Variants in ZBTB20 observed in about 807,000 individuals in gnomAD.
The protein encoded by ZBTB20 is zinc finger and BTB domain containing 20.
In ZBTB20, 9 loss-of-function variants were observed where a neutral mutation model predicts 56.9. The ratio of observed to expected loss-of-function variants is 0.16; its 90% CI spans 0.10 to 0.28. The LOEUF (loss-of-function observed/expected upper bound fraction) is 0.28. Among genes scored for constraint, ZBTB20 ranks in the 10% least tolerant of loss-of-function variants. ZBTB20 has a pLI of 1.00. For synonymous variants in ZBTB20, 417 were observed against 420.7 expected (o/e 0.99, Z 0.11); for missense variants, 655 against 1,003.0 (o/e 0.65, Z 4.69).
intron 8 of ZBTB20, among the ~76,000 whole-genome samples, chr3:114,385,489 G>C (rs779343583): frequency 9.9e-5 from 15 of 152,216 alleles, no homozygotes; most frequent in Non-Finnish European, 2.1e-4. Flanking sequence ...GATTTGCCTT[G>C]TGCTGGCACA....
chr3:114,573,166 A>C (rs1388870455), intron 6 of ZBTB20, among the ~76,000 whole-genome samples: 2 of 152,186 alleles, frequency 1.3e-5, no homozygotes, highest in Admixed American at 6.5e-5. Context: ...ATGACATTCT[A>C]AAGAAAATGA....
At chr3:115,117,642 CT>C (rs770854294) in intron 1 of ZBTB20, among the ~76,000 whole-genome samples, 118 of 147,684 alleles carry the variant, frequency 8.0e-4, no homozygotes, top group Admixed American at 1.6e-3. Context: ...CTCCACAACT[CT>C]TTTTTTTTTC....
chr3:115,030,351 G>A (rs1383205309), intron 2 of ZBTB20, among the ~76,000 whole-genome samples: 1 of 150,812 alleles, frequency 6.6e-6, no homozygotes, highest in Non-Finnish European at 1.5e-5. Context: ...TCCTTTGTTT[G>A]CCCATAGTAC....
chr3:114,740,646 G>A (rs1226779396), intron 5 of ZBTB20, among the ~76,000 whole-genome samples: 1 of 152,106 alleles, frequency 6.6e-6, no homozygotes, highest in Admixed American at 6.5e-5. Flanking sequence ...TAAGCACCTT[G>A]AATTTAATGA....
intron 4 of ZBTB20, among the ~76,000 whole-genome samples, chr3:114,834,646 C>A (rs891165550): frequency 2.0e-5 from 3 of 152,058 alleles, no homozygotes; most frequent in East Asian, 1.9e-4. Flanking sequence ...CCAATCCTTG[C>A]ACCTTTCCAC....
rs1560209963 is a variant in ZBTB20 at position 114,753,427 on chromosome 3, A to ACACACACACG, written c.-343+47673_-343+47674insCGTGTGTGTG. 6.3e-5 allele frequency among the ~76,000 whole-genome samples: 9 copies of ACACACACACG among 143,648 alleles called. 1 individual carries two copies. Among genetic ancestry groups the ACACACACACG allele is most frequent in the Non-Finnish European group, 1.0e-4 (7 of 66,696 alleles). The allele number at this position is 143,648 out of a possible 152,430, so 94.2% of individuals were successfully genotyped here. On this transcript the variant is annotated intron_variant, in intron 5 of 11. Coordinates refer to ENST00000675478, the MANE Select transcript of ZBTB20 (RefSeq NM_001348800.3). ...TATACACACACGTATATATATATAT[A>ACACACACACG]TATATACACACACACTTTTTTTTTT... is the stretch of plus-strand genomic sequence containing the variant.
At chr3:114,482,838 T>G (rs1413625403) in intron 7 of ZBTB20, among the ~76,000 whole-genome samples, 1 of 152,196 alleles carries the variant, frequency 6.6e-6, no homozygotes, top group Admixed American at 6.5e-5. Context: ...AGTACCTGAT[T>G]TTCTGATTTA....
At chr3:114,523,815 T>G (rs374444086) in intron 6 of ZBTB20, among the ~76,000 whole-genome samples, 2 of 152,018 alleles carry the variant, frequency 1.3e-5, no homozygotes, top group East Asian at 3.9e-4. Flanking sequence ...GTGTTAGAAA[T>G]TTGAGAGAGG....
intron 7 of ZBTB20, among the ~76,000 whole-genome samples, chr3:114,477,780 C>T (rs2040979801): frequency 6.6e-6 from 1 of 151,910 alleles, no homozygotes; most frequent in Admixed American, 6.6e-5. Context: ...CAGGCATGAG[C>T]CACCGCGCCC....
chr3:114,534,529 C>A (rs2048245017), intron 6 of ZBTB20, among the ~76,000 whole-genome samples: 1 of 152,102 alleles, frequency 6.6e-6, no homozygotes, highest in African/African-American at 2.4e-5. Flanking sequence ...GACTCCCACA[C>A]AATAATAGTG....
At position 114,948,172 on chromosome 3, in the gene ZBTB20, A is replaced by G. The variant is rs1478589838; in HGVS notation, c.-456+26194T>C. Among the ~76,000 whole-genome samples, 2 of 145,666 alleles carry G rather than the reference A, an allele frequency of 1.4e-5. 1 individual carries two copies. The highest frequency in any genetic ancestry group is 5.6e-5 in the African/African-American group (2 of 35,676). On this transcript the variant is annotated intron_variant, in intron 3 of 11. Coordinates refer to ENST00000675478, the MANE Select transcript of ZBTB20 (RefSeq NM_001348800.3). ...ACATTCAAAAATAAATTAATTAAAT[A>G]ACAAAAATCCTATGATCTCAATAGA...
chr3:114,865,780 T>C lies in ZBTB20; in HGVS notation c.-417+34524A>G, dbSNP rs527546157. On this transcript the variant is annotated intron_variant, in intron 4 of 11. Coordinates refer to ENST00000675478, the MANE Select transcript of ZBTB20 (RefSeq NM_001348800.3). ...AAAGGAGAAATCTTGTGTCTTAAAT[T>C]ATATCATTTAAAATTCATGGATGAA... Among the ~76,000 whole-genome samples, 149 of 152,326 alleles carry C rather than the reference T, an allele frequency of 9.8e-4. 1 individual carries two copies. The highest frequency in any genetic ancestry group is 3.5e-3 in the African/African-American group (145 of 41,572).
chr3:114,758,082 T>C (rs1301154482), intron 5 of ZBTB20, among the ~76,000 whole-genome samples: 1 of 152,178 alleles, frequency 6.6e-6, no homozygotes, highest in Non-Finnish European at 1.5e-5. Context: ...AAACAGTTTG[T>C]TGTCGATGAA....
In ZBTB20 at chr3:114,590,174, G is replaced by T. The variant is rs113476956; in HGVS notation, c.-294-89783C>A. Among the ~76,000 whole-genome samples the T allele has an allele frequency of 1.8e-3, 273 of 152,150 alleles. 3 individuals carry two copies. Among genetic ancestry groups the T allele is most frequent in the African/African-American group, 6.2e-3 (259 of 41,520 alleles). On this transcript the variant is annotated intron_variant, in intron 6 of 11. Transcript: ENST00000675478. ...TCACAAGTATTATAAATTGTTTCAG[G>T]CCGTGTGCGAAGGCTCACGCTTGTA...
intron 4 of ZBTB20, among the ~76,000 whole-genome samples, chr3:114,852,959 C>T (rs2075073825): frequency 6.6e-6 from 1 of 152,168 alleles, no homozygotes; most frequent in Non-Finnish European, 1.5e-5. Context: ...GTCTTGTCTT[C>T]CCCATTTAGA....
chr3:114,953,778 C>T (rs2077156025), intron 3 of ZBTB20, among the ~76,000 whole-genome samples: 1 of 151,968 alleles, frequency 6.6e-6, no homozygotes, highest in South Asian at 2.1e-4. Context: ...GATATCAACA[C>T]CCTTCTCTCA....
intron 1 of ZBTB20, among the ~76,000 whole-genome samples, chr3:115,073,368 G>A (rs532039317): frequency 3.3e-5 from 5 of 152,182 alleles, no homozygotes; most frequent in Admixed American, 6.5e-5. Flanking sequence ...ACTAATATAC[G>A]ATGTTTTACA....
intron 6 of ZBTB20, among the ~76,000 whole-genome samples, chr3:114,560,663 C>A (rs73224513): frequency 0.01 from 1,575 of 152,242 alleles, 9 homozygotes; most frequent in Non-Finnish European, 0.017. Context: ...AAAGTGCTCA[C>A]CACCCTCTGA....
At chr3:114,709,782 A>T (rs2063943215) in intron 5 of ZBTB20, among the ~76,000 whole-genome samples, 1 of 152,204 alleles carries the variant, frequency 6.6e-6, no homozygotes, top group Non-Finnish European at 1.5e-5. Flanking sequence ...AGCTCTAGCC[A>T]ACTTTTATAA....
Sources: allele counts gnomAD v4.1 joint callset (sites outside exome capture counted in the v4.1 genomes callset), GRCh38; gene constraint gnomAD v4.1.1; transcripts MANE v1.5; gene names NCBI Gene and HGNC (gene_info 2026-07-23, HGNC 2026-07-21).